The following CLDN7 variants were observed in gnomAD, a reference collection of about 807,000 sequenced individuals.
The protein encoded by CLDN7 is claudin 7, also known as claudin-7.
A neutral mutation model predicts 20.3 loss-of-function variants in CLDN7; 15 were observed. That is an observed-to-expected ratio of 0.74 (90% CI 0.49 to 1.14). The LOEUF (loss-of-function observed/expected upper bound fraction) is 1.14. CLDN7 is among the 50% of genes most tolerant of loss of function. The pLI, the probability that CLDN7 is intolerant of heterozygous loss-of-function variation, is 0.00. For missense variants in CLDN7, 261 were observed against 274.2 expected (o/e 0.95, Z 0.34); for synonymous variants, 117 against 106.1 (o/e 1.10, Z -0.63).
rs371721675 is a variant in CLDN7 at position 7,260,442 on chromosome 17, C to T, written c.568G>A (p.Glu190Lys). 4.3e-6 allele frequency: 7 copies of T among 1,613,706 alleles called. No homozygotes were observed. In the Admixed American group the frequency reaches 5.0e-5, roughly 12 times the overall value. The change falls in exon 4 of 4, where the codon GAG becomes AAG. Residue 190 changes from glutamate (E) to lysine (K), a missense_variant. Glu to Lys is a moderately conservative substitution (Grantham distance 56). Transcript: ENST00000360325. ...ALLSCSCPGN[E>K]SKAGYRVPRS... is the part of the protein sequence containing the mutation. ...GGTACACGGTACCCAGCCTTGCTCT[C>T]ATTCCCAGGACAGGAACAGGAGAGC...
chr17:7,260,251 A>T lies in CLDN7; in HGVS notation c.*123T>A. ...CCCAAGAGGACTATACATGGAGTGC[A>T]GGGACAGAGTGACCAGGAGGCCTTT... On this transcript the variant is annotated 3_prime_UTR_variant, in exon 4 of 4. Transcript: ENST00000360325. 1 of 815,236 alleles carries T rather than the reference A, an allele frequency of 1.2e-6. No homozygotes were observed. Among genetic ancestry groups the T allele is most frequent in the Non-Finnish European group, 1.8e-6 (1 of 547,478 alleles). 50.5% of individuals were successfully genotyped at this position (815,236 alleles called of 1,614,324 possible). A position where few individuals can be genotyped will look rare whatever the true frequency, so the allele number is the denominator to read the frequency against.
At chr17:7,261,110 A>T (rs2072206824) in intron 1 of CLDN7, 125 bp from the exon 2 acceptor site, 1 of 1,320,116 alleles carries the variant, frequency 7.6e-7, no homozygotes, top group Non-Finnish European at 1.0e-6. Context: ...GCCGAGGGCC[A>T]GGGGCGCCCA....
intron 1 of CLDN7, among the ~76,000 whole-genome samples, chr17:7,261,499 G>A (rs1012950856): frequency 2.0e-5 from 3 of 152,152 alleles, no homozygotes; most frequent in African/African-American, 7.2e-5. Context: ...TCTGAGAAAA[G>A]GACGGGAGAT....
At position 7,262,317 on chromosome 17, in the gene CLDN7, G is replaced by T. The variant is rs1438106745; in HGVS notation, c.-274C>A. On this transcript the variant is annotated 5_prime_UTR_variant, in exon 1 of 4. Transcript: ENST00000360325. This position sits in a 1 kb window ranked among gnomAD's most constrained non-coding sequence, Gnocchi z 6.6. Reference sequence around the variant, plus strand: ...AATTGGTGGTCCCCGAAGGCCAGGCGGTTCCCTCCGGGCGCTCTCGGCGAC... The same window carrying T: ...AATTGGTGGTCCCCGAAGGCCAGGCTGTTCCCTCCGGGCGCTCTCGGCGAC... 3 of 1,339,052 alleles carry T rather than the reference G, an allele frequency of 2.2e-6. No homozygotes were observed. Among genetic ancestry groups the T allele is most frequent in the African/African-American group, 1.5e-5 (1 of 67,754 alleles). 82.9% of individuals were successfully genotyped at this position (1,339,052 alleles called of 1,614,324 possible).
At chr17:7,261,730 G>A (rs1431486088) in intron 1 of CLDN7, 91 bp downstream of exon 1, 16 of 1,391,994 alleles carry the variant, frequency 1.1e-5, no homozygotes, top group Non-Finnish European at 1.4e-5. Flanking sequence ...GCAACCCAGG[G>A]CCCCCAGCCG....
intron 1 of CLDN7, 101 bp from the exon 2 acceptor site, chr17:7,261,086 C>T (rs575993475): frequency 4.1e-6 from 6 of 1,451,444 alleles, no homozygotes; most frequent in African/African-American, 2.8e-5. Context: ...CTCTTCTGTC[C>T]GGCGCCGTGT....
At position 7,260,993 on chromosome 17, in the gene CLDN7, C is replaced by G. The variant is rs111255205; in HGVS notation, c.224-8G>C. ...GAGTGGCCTGCAAGGCCGCTGCGGG[C>G]GAGGGGAAAGGGCGCCGTCATTGCT... On this transcript the variant is annotated splice_region_variant and splice_polypyrimidine_tract_variant and intron_variant, in intron 1 of 3. Transcript: ENST00000360325. 943 of 1,604,928 alleles carry G rather than the reference C, an allele frequency of 5.9e-4. No homozygotes were observed. Among genetic ancestry groups the G allele is most frequent in the Non-Finnish European group, 7.7e-4 (906 of 1,178,318 alleles).
rs1001008709 is a variant in CLDN7 at position 7,260,316 on chromosome 17, C to T, written c.*58G>A. The T allele has an allele frequency of 6.5e-7, 1 of 1,528,452 alleles. No individual in the cohort carries two copies. The highest frequency in any genetic ancestry group is 1.4e-5 in the African/African-American group (1 of 72,452). 94.7% of individuals were successfully genotyped at this position (1,528,452 alleles called of 1,614,324 possible). ...CCACAGGCTGAGCTCAGCCCCAGGC[C>T]CTTTCAGGCATCTAGACACTCCCAT... On this transcript the variant is annotated 3_prime_UTR_variant, in exon 4 of 4. Transcript: ENST00000360325.
At position 7,262,036 on chromosome 17, in the gene CLDN7, T is replaced by A. The variant is rs374655416; in HGVS notation, c.8A>T (p.Asn3Ile). Residue 3 changes from asparagine to isoleucine, a missense_variant, in exon 1 of 4, where the codon AAT becomes ATT. By Grantham distance (149) the Asn-to-Ile change is moderately radical. Coordinates refer to ENST00000360325, the MANE Select transcript of CLDN7 (RefSeq NM_001307.6). The surrounding 1 kb of genome is among the most constrained non-coding windows in gnomAD (Gnocchi z 6.6). MA[N>I]SGLQLLGFSM... ...GAAGCCCAGCAACTGCAGGCCCGAATTGGCCATTTCCGCCCTCAGAAAACA... is the reference window on the plus strand; with the variant it reads ...GAAGCCCAGCAACTGCAGGCCCGAAATGGCCATTTCCGCCCTCAGAAAACA... 5 of 1,611,714 alleles carry A rather than the reference T, an allele frequency of 3.1e-6. No homozygotes were observed. Among genetic ancestry groups the A allele is most frequent in the Non-Finnish European group, 4.2e-6 (5 of 1,179,292 alleles).
Position 7,261,868 on chromosome 17 carries a change from G to A in CLDN7, c.176C>T (p.Thr59Met), listed in dbSNP as rs1367511929. 2 of 1,614,120 alleles carry A rather than the reference G, an allele frequency of 1.2e-6. No homozygotes were observed. The highest frequency in any genetic ancestry group is 2.7e-5 in the African/African-American group (2 of 75,070). Reference sequence around the variant, plus strand: ...GTACATTTTGCAGCTCATCATCCCCGTGCTCTGCGTGACGCAGTCCATCCA... The same window carrying A: ...GTACATTTTGCAGCTCATCATCCCCATGCTCTGCGTGACGCAGTCCATCCA... Reference protein sequence around the residue: ...GLWMDCVTQSTGMMSCKMYDS... With the variant: ...GLWMDCVTQSMGMMSCKMYDS... The change falls in exon 1 of 4, where the codon ACG becomes ATG. Residue 59 changes from threonine (T) to methionine (M), a missense_variant. Physicochemically the swap from Thr to Met is moderately conservative, Grantham distance 81 (BLOSUM62 -1). Transcript: ENST00000360325.
At chr17:7,261,547 A>G (rs531497531) in intron 1 of CLDN7, among the ~76,000 whole-genome samples, 201 of 152,040 alleles carry the variant, frequency 1.3e-3, no homozygotes, top group African/African-American at 4.8e-3. Context: ...GGAGGAGGGG[A>G]TGGCCCCGGC....
chr17:7,261,765 G>C, intron 1 of CLDN7, 56 bp downstream of exon 1: 1 of 1,568,164 alleles, frequency 6.4e-7, no homozygotes, highest in Middle Eastern at 1.7e-4. Context: ...TCCCACGCGC[G>C]CCACCCCGCC....
At chr17:7,261,031 G>A (rs999018882) in intron 1 of CLDN7, 46 bp from the exon 2 acceptor site, 2 of 1,563,658 alleles carry the variant, frequency 1.3e-6, no homozygotes, top group African/African-American at 2.7e-5. Context: ...AAATGCAGGC[G>A]GCTCCAGCCT....
intron 1 of CLDN7, 129 bp from the exon 2 acceptor site, chr17:7,261,114 G>C: frequency 1.5e-6 from 2 of 1,305,068 alleles, no homozygotes; most frequent in Non-Finnish European, 2.0e-6. Flanking sequence ...AGGGCCAGGG[G>C]CGCCCAGGTG....
Position 7,262,356 on chromosome 17 carries a change from A to C in CLDN7, c.-313T>G, listed in dbSNP as rs865833864. ...GCTCTCGGCGACCCTAGGCAAACAA[A>C]AGGTGGAGGGGCCGTCTGGGCGCGT... On this transcript the variant is annotated 5_prime_UTR_variant, in exon 1 of 4. Coordinates refer to ENST00000360325, the MANE Select transcript of CLDN7 (RefSeq NM_001307.6). The surrounding 1 kb of genome is among the most constrained non-coding windows in gnomAD (Gnocchi z 6.6). 4 of 1,235,362 alleles carry C rather than the reference A, an allele frequency of 3.2e-6. No individual in the cohort carries two copies. Among genetic ancestry groups the C allele is most frequent in the Admixed American group, 3.8e-5 (1 of 26,110 alleles). The allele number at this position is 1,235,362 out of a possible 1,614,324, so 76.5% of individuals were successfully genotyped here. A position where few individuals can be genotyped will look rare whatever the true frequency, so the allele number is the denominator to read the frequency against.
Position 7,260,124 on chromosome 17 carries a change from G to A in CLDN7, c.*250C>T, listed in dbSNP as rs1355817502. On this transcript the variant is annotated 3_prime_UTR_variant, in exon 4 of 4. Coordinates refer to ENST00000360325, the MANE Select transcript of CLDN7 (RefSeq NM_001307.6). ...ACGGGAGGAAAGCAGAGGCCCTGAAGGGAAAAAAGCCTGCTTCCCAATACT... is the reference window on the plus strand; with the variant it reads ...ACGGGAGGAAAGCAGAGGCCCTGAAAGGAAAAAAGCCTGCTTCCCAATACT... The A allele has an allele frequency of 2.1e-5, 8 of 389,080 alleles. No individual in the cohort carries two copies. The highest frequency in any genetic ancestry group is 1.7e-4 in the African/African-American group (8 of 48,388). 24.1% of individuals were successfully genotyped at this position (389,080 alleles called of 1,614,324 possible). A position where few individuals can be genotyped will look rare whatever the true frequency, so the allele number is the denominator to read the frequency against.
In CLDN7 at chr17:7,261,005, G is replaced by T; in HGVS notation, c.224-20C>A. 1 of 1,596,810 alleles carries T rather than the reference G, an allele frequency of 6.3e-7. No homozygotes were observed. The highest frequency in any genetic ancestry group is 8.5e-7 in the Non-Finnish European group (1 of 1,175,710). On this transcript the variant is annotated intron_variant, in intron 1 of 3. Coordinates refer to ENST00000360325, the MANE Select transcript of CLDN7 (RefSeq NM_001307.6). ...AGGCCGCTGCGGGCGAGGGGAAAGGGCGCCGTCATTGCTGGAAATGCAGGC... is the reference window on the plus strand; with the variant it reads ...AGGCCGCTGCGGGCGAGGGGAAAGGTCGCCGTCATTGCTGGAAATGCAGGC...
At chr17:7,261,695 C>G in intron 1 of CLDN7, 126 bp downstream of exon 1, 1 of 888,164 alleles carries the variant, frequency 1.1e-6, no homozygotes. Context: ...CCCAGCCGAC[C>G]ACTTCCTCGC....
chr17:7,261,026 C>T (rs2072204216), intron 1 of CLDN7, 41 bp from the exon 2 acceptor site: 1 of 1,569,550 alleles, frequency 6.4e-7, no homozygotes, highest in African/African-American at 1.4e-5. Context: ...GCTGGAAATG[C>T]AGGCGGCTCC....
Sources: gnomAD v4.1 joint callset for allele counts (sites outside exome capture counted in the v4.1 genomes callset) on GRCh38, gnomAD v4.1.1 for gene constraint, Gnocchi (gnomAD v3.1) non-coding constraint, MANE v1.5 for transcripts, NCBI Gene and HGNC (gene_info 2026-07-23, HGNC 2026-07-21) for gene names.